Variants in ARHGAP35 observed in about 807,000 individuals in gnomAD.
ARHGAP35 encodes rho GTPase-activating protein 35.
ARHGAP35 carries 15 observed loss-of-function variants against 111.1 expected under a neutral mutation model. The ratio of observed to expected loss-of-function variants is 0.13; its 90% CI spans 0.09 to 0.21. ARHGAP35 has a LOEUF of 0.21. Ranked by LOEUF, ARHGAP35 falls within the 10% of genes least tolerant of loss-of-function variation. The pLI, the probability that ARHGAP35 is intolerant of heterozygous loss-of-function variation, is 1.00. For synonymous variants in ARHGAP35, 643 were observed against 710.3 expected (o/e 0.91, Z 1.51); for missense variants, 1,262 against 1,873.0 (o/e 0.67, Z 6.02).
rs1453836465 is a variant in ARHGAP35, at chr19:46,908,478, G to C, written c.-188-10010G>C. Among the ~76,000 whole-genome samples, 1 of 151,614 alleles carries C rather than the reference G, an allele frequency of 6.6e-6. No homozygotes were observed. The highest frequency in any genetic ancestry group is 1.5e-5 in the Non-Finnish European group (1 of 67,990). Reference sequence around the variant, plus strand: ...TATTTTTACAGCTTATCAGAATCTTGGTTTTTGTTGTTGTTTTTCTTAATA... The same window carrying C: ...TATTTTTACAGCTTATCAGAATCTTCGTTTTTGTTGTTGTTTTTCTTAATA... On this transcript the variant is annotated intron_variant, in intron 1 of 6. Coordinates refer to ENST00000672722, the MANE Select transcript of ARHGAP35 (RefSeq NM_004491.5). This position sits in a 1 kb window ranked among gnomAD's most constrained non-coding sequence, Gnocchi z 4.2.
In ARHGAP35 at chr19:46,986,198, G is replaced by C. The variant is rs1019191045; in HGVS notation, c.3827-1791G>C. On this transcript the variant is annotated intron_variant, in intron 3 of 6. Coordinates refer to ENST00000672722, the MANE Select transcript of ARHGAP35 (RefSeq NM_004491.5). This position sits in a 1 kb window ranked among gnomAD's most constrained non-coding sequence, Gnocchi z 4.3. Reference sequence around the variant, plus strand: ...TCACTGTCCTTTCGACAAAGTCCTTGAGATCTTGATGGCTCACAGTGGACT... The same window carrying C: ...TCACTGTCCTTTCGACAAAGTCCTTCAGATCTTGATGGCTCACAGTGGACT... Among the ~76,000 whole-genome samples the C allele has an allele frequency of 5.3e-5, 8 of 152,200 alleles. No homozygotes were observed. Among genetic ancestry groups the C allele is most frequent in the African/African-American group, 1.9e-4 (8 of 41,442 alleles).
intron 1 of ARHGAP35, among the ~76,000 whole-genome samples, chr19:46,876,696 C>T (rs1019567826): frequency 2.0e-5 from 3 of 150,156 alleles, no homozygotes; most frequent in East Asian, 2.0e-4. Context: ...TTCATAGAGA[C>T]GGGGACTCGC....
At chr19:46,959,650 T>C (rs1354155682) in intron 3 of ARHGAP35, among the ~76,000 whole-genome samples, 1 of 151,992 alleles carries the variant, frequency 6.6e-6, no homozygotes, top group Non-Finnish European at 1.5e-5. Context: ...TCCACCCGCC[T>C]CAGCCTCCCA....
chr19:46,924,820 T>TA (rs1214848145), intron 2 of ARHGAP35, among the ~76,000 whole-genome samples: 1 of 152,250 alleles, frequency 6.6e-6, no homozygotes, highest in Non-Finnish European at 1.5e-5. Flanking sequence ...GAAGGTGGCA[T>TA]AATAGCATAC....
At chr19:46,905,733 G>A (rs566168794) in intron 1 of ARHGAP35, among the ~76,000 whole-genome samples, 19 of 152,172 alleles carry the variant, frequency 1.2e-4, no homozygotes, top group South Asian at 1.0e-3. Context: ...TGTATTTTTA[G>A]TAGAGACGAG....
intron 1 of ARHGAP35, among the ~76,000 whole-genome samples, chr19:46,861,823 C>T (rs925242269): frequency 5.3e-5 from 8 of 152,090 alleles, no homozygotes; most frequent in African/African-American, 9.7e-5. Flanking sequence ...CGGTTCCAAC[C>T]CTTTGGAGAT....
intron 3 of ARHGAP35, among the ~76,000 whole-genome samples, chr19:46,954,952 A>G (rs2056431148): frequency 6.6e-6 from 1 of 152,160 alleles, no homozygotes. Context: ...GGGCTGGGCT[A>G]TCTGTGGAGA....
intron 3 of ARHGAP35, among the ~76,000 whole-genome samples, chr19:46,939,102 G>A (rs1370858157): frequency 6.6e-6 from 1 of 151,898 alleles, no homozygotes; most frequent in Non-Finnish European, 1.5e-5. Context: ...GCTTTGTTTA[G>A]TCCATTCTGT....
chr19:46,920,779 T>G lies in ARHGAP35; in HGVS notation c.2104T>G (p.Leu702Val), dbSNP rs1282787740. ...HLVHLPLTLI[L>V]VNKRGDTSGE... ...AGTCCATCTCCCCCTTACATTAATTTTGGTTAACAAGAGAGGAGACACCAG... is the reference window on the plus strand; with the variant it reads ...AGTCCATCTCCCCCTTACATTAATTGTGGTTAACAAGAGAGGAGACACCAG... The change falls in exon 2 of 7, where the codon TTG (leucine) becomes GTG (valine). Residue 702 changes from leucine (L) to valine (V), a missense_variant. Coordinates refer to ENST00000672722, the MANE Select transcript of ARHGAP35 (RefSeq NM_004491.5). The surrounding 1 kb of genome is among the most constrained non-coding windows in gnomAD (Gnocchi z 7.0). The G allele has an allele frequency of 1.2e-6, 2 of 1,609,094 alleles. No homozygotes were observed. Among genetic ancestry groups the G allele is most frequent in the Non-Finnish European group, 1.7e-6 (2 of 1,177,414 alleles).
intron 1 of ARHGAP35, among the ~76,000 whole-genome samples, chr19:46,876,713 G>T (rs1269713562): frequency 6.6e-6 from 1 of 151,494 alleles, no homozygotes; most frequent in Non-Finnish European, 1.5e-5. Flanking sequence ...TCGCTGTGTT[G>T]CCCAGGCTGG....
chr19:46,882,744 C>G (rs1003694421), intron 1 of ARHGAP35, among the ~76,000 whole-genome samples: 4 of 152,116 alleles, frequency 2.6e-5, no homozygotes, highest in Non-Finnish European at 5.9e-5. Flanking sequence ...TGAGTGAGAA[C>G]ATGCAGTGTT....
In ARHGAP35 at chr19:46,903,429, G is replaced by A. The variant is rs569765238; in HGVS notation, c.-188-15059G>A. Among the ~76,000 whole-genome samples the A allele has an allele frequency of 1.7e-4, 26 of 152,324 alleles. No individual in the cohort carries two copies. In the South Asian group the frequency reaches 5.2e-3, roughly 30 times the overall value. On this transcript the variant is annotated intron_variant, in intron 1 of 6. Transcript: ENST00000672722. ...AGGGCCATTCAGAGCCAGGGAGTGG[G>A]AGGTGAGGCCACGGAGGGAACCACT...
intron 1 of ARHGAP35, among the ~76,000 whole-genome samples, chr19:46,861,838 C>T (rs1359128025): frequency 1.3e-5 from 2 of 152,134 alleles, no homozygotes; most frequent in Non-Finnish European, 2.9e-5. Flanking sequence ...GGAGATCCAT[C>T]TGAGACCCCT....
chr19:46,950,068 C>T (rs2122244761), intron 3 of ARHGAP35, among the ~76,000 whole-genome samples: 1 of 152,300 alleles, frequency 6.6e-6, no homozygotes, highest in East Asian at 1.9e-4. Context: ...GTCATTTCAT[C>T]CCTCAACAAA....
intron 3 of ARHGAP35, among the ~76,000 whole-genome samples, chr19:46,963,406 A>G (rs2056496090): frequency 6.6e-6 from 1 of 152,120 alleles, no homozygotes; most frequent in South Asian, 2.1e-4. Context: ...CCTCAGTTCA[A>G]GCCCCTCCTC....
At chr19:46,971,190 G>A (rs1313774921) in intron 3 of ARHGAP35, among the ~76,000 whole-genome samples, 3 of 152,010 alleles carry the variant, frequency 2.0e-5, no homozygotes, top group African/African-American at 4.8e-5. Flanking sequence ...GGCAGATCAC[G>A]AGGTCAGGAG....
At chr19:46,971,841 A>G (rs551027128) in intron 3 of ARHGAP35, among the ~76,000 whole-genome samples, 1 of 152,070 alleles carries the variant, frequency 6.6e-6, no homozygotes, top group South Asian at 2.1e-4. Flanking sequence ...GTGGCCTCAC[A>G]TACATCCATC....
At chr19:46,979,423 T>A (rs1052412122) in intron 3 of ARHGAP35, among the ~76,000 whole-genome samples, 1 of 152,184 alleles carries the variant, frequency 6.6e-6, no homozygotes, top group Non-Finnish European at 1.5e-5. Flanking sequence ...GGGCAGGGTG[T>A]CAGCTCTAGG....
chr19:46,934,088 T>C (rs1011032296), intron 2 of ARHGAP35, among the ~76,000 whole-genome samples: 1 of 152,216 alleles, frequency 6.6e-6, no homozygotes, highest in South Asian at 2.1e-4. Flanking sequence ...TATTGAACAG[T>C]GCTGTTAGTT....
Sources: gnomAD v4.1 joint callset for allele counts (sites outside exome capture counted in the v4.1 genomes callset) on GRCh38, gnomAD v4.1.1 for gene constraint, Gnocchi (gnomAD v3.1) non-coding constraint, MANE v1.5 for transcripts, NCBI Gene and HGNC (gene_info 2026-07-23, HGNC 2026-07-21) for gene names.